PTPRD: variants seen among roughly 807,000 people sequenced by gnomAD.
PTPRD encodes the protein protein tyrosine phosphatase receptor type D, also known as receptor-type tyrosine-protein phosphatase delta.
A neutral mutation model predicts 214.5 loss-of-function variants in PTPRD; 34 were observed. That is an observed-to-expected ratio of 0.16 (90% CI 0.12 to 0.21). The LOEUF is 0.21. Among genes scored for constraint, PTPRD ranks in the 10% least tolerant of loss-of-function variants. The probability of loss-of-function intolerance (pLI) is 1.00; values close to 1 mark genes in which losing one functional copy is unlikely to be tolerated. For synonymous variants in PTPRD, 1,128 were observed against 845.7 expected, an observed-to-expected ratio of 1.33 and a Z score of -5.79; for missense variants, 2,545 against 2,398.7, an observed-to-expected ratio of 1.06 and a Z score of -1.27.
rs189290392 is a variant in PTPRD, at chr9:9,868,357, C to A, written c.-368+70150G>T. ...ATTAAATACAGTCCAAAATGCTTTTCTGGAATAAGAATTTTTTAACTAAAA... is the reference window on the plus strand; with the variant it reads ...ATTAAATACAGTCCAAAATGCTTTTATGGAATAAGAATTTTTTAACTAAAA... On this transcript the variant is annotated intron_variant, in intron 5 of 45. Transcript: ENST00000381196. Among the ~76,000 whole-genome samples the A allele has an allele frequency of 1.7e-4, 26 of 152,078 alleles. No individual in the cohort carries two copies. In the East Asian group the frequency reaches 4.6e-3, roughly 27 times the overall value.
Position 9,017,721 on chromosome 9 carries a change from T to A in PTPRD, c.-104+976A>T, listed in dbSNP as rs565967226. ...AAACATCGAATAATTGCATGATGACTAGAATTTTTTTCTTTTTCAATGAAA... is the reference window on the plus strand; with the variant it reads ...AAACATCGAATAATTGCATGATGACAAGAATTTTTTTCTTTTTCAATGAAA... On this transcript the variant is annotated intron_variant, in intron 11 of 45. Transcript: ENST00000381196. Among the ~76,000 whole-genome samples, 17 of 152,282 alleles carry A rather than the reference T, an allele frequency of 1.1e-4. No individual in the cohort carries two copies. In the South Asian group the frequency reaches 3.3e-3, roughly 30 times the overall value.
chr9:10,477,927 C>T (rs973154460), intron 2 of PTPRD, among the ~76,000 whole-genome samples: 2 of 151,708 alleles, frequency 1.3e-5, no homozygotes, highest in Admixed American at 1.3e-4. Flanking sequence ...GGGAGCTGAA[C>T]AATGAGAACA....
chr9:8,530,539 T>TATCCCTCCACACCAGGAGTTC, intron 14 of PTPRD, among the ~76,000 whole-genome samples: 1 of 152,250 alleles, frequency 6.6e-6, no homozygotes, highest in East Asian at 1.9e-4. Flanking sequence ...CTCATGAGTT[T>TATCCCTCCACACCAGGAGTTC]ATCCCTCCAC....
At chr9:8,940,561 T>A (rs2099027318) in intron 11 of PTPRD, among the ~76,000 whole-genome samples, 1 of 149,758 alleles carries the variant, frequency 6.7e-6, no homozygotes. Flanking sequence ...CCCAAAGTAC[T>A]GGGATTACAG....
intron 11 of PTPRD, among the ~76,000 whole-genome samples, chr9:8,809,952 G>A (rs1428719043): frequency 6.6e-6 from 1 of 152,148 alleles, no homozygotes; most frequent in Non-Finnish European, 1.5e-5. Flanking sequence ...ACACGCTCTT[G>A]CAGAACTATC....
chr9:10,531,742 G>C (rs2056412836), intron 2 of PTPRD, among the ~76,000 whole-genome samples: 2 of 152,224 alleles, frequency 1.3e-5, no homozygotes, highest in South Asian at 4.1e-4. Context: ...TGTTCATTTA[G>C]TGTTTCTCCA....
intron 11 of PTPRD, among the ~76,000 whole-genome samples, chr9:8,743,888 T>A (rs1316026460): frequency 6.6e-6 from 1 of 150,766 alleles, no homozygotes; most frequent in Non-Finnish European, 1.5e-5. Context: ...AATCCATACA[T>A]CGACATAGGA....
At chr9:9,546,036 T>C (rs970121444) in intron 8 of PTPRD, among the ~76,000 whole-genome samples, 42 of 151,836 alleles carry the variant, frequency 2.8e-4, no homozygotes, top group Non-Finnish European at 4.7e-4. Context: ...ACTTCATTCT[T>C]TTGGTAGCCA....
At chr9:9,950,361 T>G (rs1005691781) in intron 4 of PTPRD, among the ~76,000 whole-genome samples, 1 of 152,168 alleles carries the variant, frequency 6.6e-6, no homozygotes. Context: ...CTAGGGAAGC[T>G]GGTGGAGAAA....
intron 11 of PTPRD, among the ~76,000 whole-genome samples, chr9:8,844,768 C>G (rs529075368): frequency 4.7e-4 from 71 of 152,256 alleles, no homozygotes; most frequent in African/African-American, 1.6e-3. Context: ...TACATGAGCT[C>G]AATTAACTGT....
chr9:9,136,604 T>C lies in PTPRD; in HGVS notation c.-143+46700A>G, dbSNP rs538633990. Among the ~76,000 whole-genome samples the C allele has an allele frequency of 4.1e-4, 62 of 152,310 alleles. 1 individual carries two copies. The highest frequency in any genetic ancestry group is 1.4e-3 in the African/African-American group (60 of 41,592). ...AGTAACTTAATTTTACAAAAATTAA[T>C]TCTCTTTTAGTAAAACAAATAGTCC... On this transcript the variant is annotated intron_variant, in intron 10 of 45. Transcript: ENST00000381196.
intron 3 of PTPRD, among the ~76,000 whole-genome samples, chr9:10,224,846 C>T (rs749750333): frequency 6.6e-6 from 1 of 151,998 alleles, no homozygotes; most frequent in Non-Finnish European, 1.5e-5. Flanking sequence ...CTAGTAAATA[C>T]ATTTTCTATT....
chr9:8,747,967 T>G (rs561365406), intron 11 of PTPRD, among the ~76,000 whole-genome samples: 1 of 152,126 alleles, frequency 6.6e-6, no homozygotes, highest in African/African-American at 2.4e-5. Context: ...CTGTAATATA[T>G]ATGGTTCTTC....
intron 10 of PTPRD, among the ~76,000 whole-genome samples, chr9:9,126,265 C>A (rs1422456738): frequency 6.6e-6 from 1 of 152,100 alleles, no homozygotes; most frequent in Non-Finnish European, 1.5e-5. Flanking sequence ...GAATTAGGGG[C>A]AGGATTCAAA....
At chr9:9,924,558 C>CGAAA (rs1566374371) in intron 5 of PTPRD, among the ~76,000 whole-genome samples, 1 of 151,702 alleles carries the variant, frequency 6.6e-6, no homozygotes, top group Non-Finnish European at 1.5e-5. Context: ...TTTCCTTGCC[C>CGAAA]GAAACACTTT....
chr9:9,611,971 T>A (rs2154345736), intron 7 of PTPRD, among the ~76,000 whole-genome samples: 1 of 152,220 alleles, frequency 6.6e-6, no homozygotes, highest in East Asian at 1.9e-4. Context: ...AATTTAAATA[T>A]ATCAGATATT....
intron 3 of PTPRD, among the ~76,000 whole-genome samples, chr9:10,270,864 T>C (rs773533333): frequency 6.6e-6 from 1 of 152,114 alleles, no homozygotes; most frequent in African/African-American, 2.4e-5. Flanking sequence ...TTTTTTTATG[T>C]TTCTTTTGTA....
intron 3 of PTPRD, among the ~76,000 whole-genome samples, chr9:10,188,910 G>A (rs570659395): frequency 6.6e-6 from 1 of 152,236 alleles, no homozygotes; most frequent in East Asian, 1.9e-4. Flanking sequence ...TGGGGGTTGG[G>A]AATTTAACTG....
At chr9:8,511,461 C>CT (rs897738071) in intron 21 of PTPRD, among the ~76,000 whole-genome samples, 6 of 151,994 alleles carry the variant, frequency 3.9e-5, no homozygotes, top group Admixed American at 3.3e-4. Context: ...CTTACCAGTC[C>CT]TTTGTCTATG....
Sources: allele counts gnomAD v4.1 joint callset (sites outside exome capture counted in the v4.1 genomes callset), GRCh38; gene constraint gnomAD v4.1.1; transcripts MANE v1.5; gene names NCBI Gene and HGNC (gene_info 2026-07-23, HGNC 2026-07-21).